The following TRPM3 variants were observed in gnomAD, a reference collection of about 807,000 sequenced individuals.
TRPM3 encodes the protein long transient receptor potential channel 3.
A neutral mutation model predicts 181.2 loss-of-function variants in TRPM3; 77 were observed. The observed-to-expected ratio is 0.42, with a 90% CI of 0.35 to 0.51. The LOEUF is 0.51. Among genes scored for constraint, TRPM3 ranks in the 20% least tolerant of loss-of-function variants. The pLI is 0.01. For missense variants in TRPM3, 1,759 were observed against 2,196.7 expected, an observed-to-expected ratio of 0.80 and a Z score of 3.98; for synonymous variants, 745 against 796.4, an observed-to-expected ratio of 0.94 and a Z score of 1.09.
chr9:71,112,767 A>T (rs2071408959), intron 1 of TRPM3, among the ~76,000 whole-genome samples: 1 of 152,320 alleles, frequency 6.6e-6, no homozygotes, highest in South Asian at 2.1e-4. Context: ...TAAAGCTAGA[A>T]ATACCCACTG....
chr9:71,060,434 C>T (rs2061185319), intron 1 of TRPM3, among the ~76,000 whole-genome samples: 1 of 152,070 alleles, frequency 6.6e-6, no homozygotes, highest in Non-Finnish European at 1.5e-5. Context: ...GTATAACATG[C>T]TAAGGAAAAA....
chr9:71,232,897 A>G (rs1244775058), intron 1 of TRPM3, among the ~76,000 whole-genome samples: 1 of 152,102 alleles, frequency 6.6e-6, no homozygotes, highest in African/African-American at 2.4e-5. Context: ...CTGGTGCTAT[A>G]CTGAGCTAAC....
At chr9:70,669,106 G>T (rs1037979293) in intron 9 of TRPM3, among the ~76,000 whole-genome samples, 2 of 152,208 alleles carry the variant, frequency 1.3e-5, no homozygotes, top group Non-Finnish European at 2.9e-5. Flanking sequence ...CCCAGCTTCT[G>T]TGTAACTAGG....
intron 1 of TRPM3, among the ~76,000 whole-genome samples, chr9:71,052,644 G>A (rs760438155): frequency 4.6e-5 from 7 of 151,964 alleles, no homozygotes; most frequent in East Asian, 1.9e-4. Flanking sequence ...TTGCTGCCAC[G>A]TCCATTCAAA....
At chr9:70,974,863 A>AGTTTTTTTTTTTT (rs2097287070) in intron 1 of TRPM3, among the ~76,000 whole-genome samples, 1 of 117,980 alleles carries the variant, frequency 8.5e-6, no homozygotes. Context: ...TGGAACATCA[A>AGTTTTTTTTTTTT]TTTTTTTTTT....
chr9:70,684,080 T>A (rs56032721), intron 8 of TRPM3, among the ~76,000 whole-genome samples: 2 of 152,326 alleles, frequency 1.3e-5, no homozygotes, highest in African/African-American at 2.4e-5. Context: ...GTTCTGCTGA[T>A]GACTAAAATT....
chr9:71,130,422 A>G, intron 1 of TRPM3, among the ~76,000 whole-genome samples: 1 of 152,192 alleles, frequency 6.6e-6, no homozygotes, highest in Non-Finnish European at 1.5e-5. Context: ...TATGCCTGTT[A>G]TAGTAAGTAC....
At chr9:70,557,846 T>G (rs2048102257) in intron 22 of TRPM3, among the ~76,000 whole-genome samples, 1 of 152,182 alleles carries the variant, frequency 6.6e-6, no homozygotes, top group African/African-American at 2.4e-5. Context: ...ACCTCCCTCT[T>G]TCATGGTGAC....
chr9:70,551,489 A>T (rs1218113938), intron 24 of TRPM3, among the ~76,000 whole-genome samples: 1 of 152,192 alleles, frequency 6.6e-6, no homozygotes, highest in African/African-American at 2.4e-5. Context: ...ATCTAGCCCA[A>T]TGTCTGGCTT....
rs1372103442 is a variant in TRPM3, at chr9:70,793,470, ATATAT to A, written c.974-9196_974-9192del. ...GGCTTTGTCTCAAAAAAAAAAAAAAATATATATATATATATATATATAAAACACAT... is the reference window on the plus strand; with the variant it reads ...GGCTTTGTCTCAAAAAAAAAAAAAAAATATATATATATATATAAAACACAT... On this transcript the variant is annotated intron_variant, in intron 6 of 25. Coordinates refer to ENST00000677713, the MANE Select transcript of TRPM3 (RefSeq NM_001366145.2). 383 of 109,768 alleles carry A rather than the reference ATATAT, an allele frequency of 3.5e-3. 3 individuals carry two copies. Among genetic ancestry groups the A allele is most frequent in the African/African-American group, 0.011 (320 of 27,948 alleles). 6.8% of individuals were successfully genotyped at this position (109,768 alleles called of 1,614,324 possible).
chr9:71,328,972 T>A (rs903618417), intron 1 of TRPM3, among the ~76,000 whole-genome samples: 1 of 152,228 alleles, frequency 6.6e-6, no homozygotes, highest in Non-Finnish European at 1.5e-5. Flanking sequence ...AAGTGTAGAC[T>A]TCATTGGATT....
intron 1 of TRPM3, among the ~76,000 whole-genome samples, chr9:71,099,063 T>A (rs1009921299): frequency 6.6e-6 from 1 of 152,148 alleles, no homozygotes; most frequent in South Asian, 2.1e-4. Flanking sequence ...TCTTAGTCCA[T>A]CTGGGCTGCT....
intron 22 of TRPM3, among the ~76,000 whole-genome samples, chr9:70,583,274 C>T (rs1376231262): frequency 1.3e-5 from 2 of 152,184 alleles, no homozygotes; most frequent in Non-Finnish European, 2.9e-5. Flanking sequence ...TGCACATACA[C>T]GTGAGAGTGT....
intron 3 of TRPM3, among the ~76,000 whole-genome samples, chr9:70,852,290 GGGATGT>G (rs1406837078): frequency 6.6e-6 from 1 of 151,968 alleles, no homozygotes; most frequent in African/African-American, 2.4e-5. Context: ...CCCAACAACA[GGGATGT>G]TGGTTTCACC....
chr9:71,193,403 C>T (rs1348977322), intron 1 of TRPM3, among the ~76,000 whole-genome samples: 1 of 151,782 alleles, frequency 6.6e-6, no homozygotes, highest in Non-Finnish European at 1.5e-5. Context: ...CTCTTCTATT[C>T]ATTCAAACTC....
intron 5 of TRPM3, among the ~76,000 whole-genome samples, chr9:70,840,688 A>G (rs1009463337): frequency 1.3e-5 from 2 of 152,170 alleles, no homozygotes; most frequent in African/African-American, 4.8e-5. Flanking sequence ...AGGTAGAAGA[A>G]TCAGAAGTGA....
chr9:71,144,792 A>G (rs1253226575), intron 1 of TRPM3, among the ~76,000 whole-genome samples: 1 of 152,228 alleles, frequency 6.6e-6, no homozygotes, highest in Non-Finnish European at 1.5e-5. Flanking sequence ...AACAACAAAG[A>G]AATTAAGCAG....
chr9:71,031,582 G>A (rs1000200431), intron 1 of TRPM3, among the ~76,000 whole-genome samples: 5 of 151,962 alleles, frequency 3.3e-5, no homozygotes, highest in Non-Finnish European at 7.4e-5. Context: ...CTATGTTTGT[G>A]TTTTCTGTTG....
intron 1 of TRPM3, among the ~76,000 whole-genome samples, chr9:71,278,018 C>T (rs913526957): frequency 6.6e-6 from 1 of 152,122 alleles, no homozygotes; most frequent in African/African-American, 2.4e-5. Flanking sequence ...TTCTAGTGGT[C>T]CTGTTATTTC....
Sources: allele counts gnomAD v4.1 joint callset (sites outside exome capture counted in the v4.1 genomes callset), GRCh38; gene constraint gnomAD v4.1.1; transcripts MANE v1.5; gene names NCBI Gene and HGNC (gene_info 2026-07-23, HGNC 2026-07-21).